The following ENTPD5 variants were observed in gnomAD, a reference collection of about 807,000 sequenced individuals.
The protein encoded by ENTPD5 is ectonucleoside triphosphate diphosphohydrolase 5 (inactive).
A neutral mutation model predicts 60.2 loss-of-function variants in ENTPD5; 49 were observed. That is an observed-to-expected ratio of 0.81 (90% CI 0.65 to 1.03). The LOEUF is 1.03. Among genes scored for constraint, ENTPD5 ranks in the 50% least tolerant of loss-of-function variants. The pLI is 0.00. For missense variants in ENTPD5, 480 were observed against 507.6 expected (o/e 0.95, Z 0.52); for synonymous variants, 187 against 185.4 (o/e 1.01, Z -0.07).
downstream of ENTPD5, chr14:73,959,003 G>A (rs2056576340): frequency 6.2e-7 from 1 of 1,614,124 alleles, no homozygotes; most frequent in South Asian, 1.1e-5. Context: ...CCGGAGTACG[G>A]CAGGCTGTTG....
intron 3 of ENTPD5, among the ~76,000 whole-genome samples, chr14:73,998,490 T>C (rs1186646241): frequency 6.6e-6 from 1 of 152,054 alleles, no homozygotes; most frequent in Admixed American, 6.6e-5. Flanking sequence ...ATTCCAGAAA[T>C]TAGCAATTTC....
chr14:73,972,745 T>C (rs994279692), intron 13 of ENTPD5, 139 bp downstream of exon 13: 2 of 993,824 alleles, frequency 2.0e-6, no homozygotes, highest in African/African-American at 3.3e-5. Flanking sequence ...CTAAGTCATT[T>C]CCACCCTTTT....
downstream of ENTPD5, chr14:73,962,831 A>G (rs561979144): frequency 5.7e-6 from 4 of 706,848 alleles, no homozygotes; most frequent in Admixed American, 4.6e-5. Context: ...ACGTGTGTAT[A>G]TGTATGTATA....
At chr14:73,995,585 AAATAATAATAAT>A (rs34846091) in intron 3 of ENTPD5, among the ~76,000 whole-genome samples, 10 of 144,212 alleles carry the variant, frequency 6.9e-5, no homozygotes, top group Admixed American at 2.8e-4. Flanking sequence ...ACTCTATCTC[AAATAATAATAAT>A]AATAATAATA....
At chr14:74,018,989 G>C (rs971737008) in intron 1 of ENTPD5, 1 of 154,006 alleles carries the variant, frequency 6.5e-6, no homozygotes, top group Non-Finnish European at 1.4e-5. Context: ...CGGCCACGCT[G>C]GCTGCGGCAT....
intron 3 of ENTPD5, among the ~76,000 whole-genome samples, chr14:73,992,405 C>T (rs2058169867): frequency 6.6e-6 from 1 of 152,186 alleles, no homozygotes. Context: ...GCAAATTAGG[C>T]CAGGCGTGGT....
intron 2 of ENTPD5, among the ~76,000 whole-genome samples, chr14:74,015,606 G>A (rs1235222897): frequency 6.6e-6 from 1 of 151,786 alleles, no homozygotes; most frequent in African/African-American, 2.4e-5. Flanking sequence ...GTCTGCCTTG[G>A]CCTCCCAAAG....
At chr14:73,975,811 G>T in intron 10 of ENTPD5, 125 bp downstream of exon 10, 1 of 753,420 alleles carries the variant, frequency 1.3e-6, no homozygotes, top group Non-Finnish European at 2.1e-6. Context: ...CAGTTGATAG[G>T]CCTTAGGGAA....
chr14:73,982,683 G>C (rs2057741479), intron 6 of ENTPD5, among the ~76,000 whole-genome samples: 1 of 152,120 alleles, frequency 6.6e-6, no homozygotes, highest in African/African-American at 2.4e-5. Context: ...ATTAACCTGG[G>C]AGGTGGAGCT....
chr14:74,017,186 C>CG (rs1566777686), intron 1 of ENTPD5, among the ~76,000 whole-genome samples: 1 of 152,070 alleles, frequency 6.6e-6, no homozygotes, highest in African/African-American at 2.4e-5. Flanking sequence ...GGCATGGTGG[C>CG]GCATGCCTGG....
intron 2 of ENTPD5, among the ~76,000 whole-genome samples, chr14:74,014,263 A>G (rs2058940075): frequency 6.6e-6 from 1 of 152,102 alleles, no homozygotes; most frequent in Non-Finnish European, 1.5e-5. Flanking sequence ...ACAAAACCCC[A>G]TTTCAAAAAT....
rs1054284497 is a variant in ENTPD5, at chr14:73,974,986, C to T, written c.723-1G>A. ...AGCTTTCAATCCAAATCCCAGGTAA[C>T]TGTAAAATACAGGATTGACTAATTT... is the stretch of plus-strand genomic sequence containing the variant. On this transcript the variant is annotated splice_acceptor_variant, in intron 10 of 15. Coordinates refer to ENST00000334696, the MANE Select transcript of ENTPD5 (RefSeq NM_001249.5). LOFTEE classifies it high-confidence loss of function. 11 of 1,610,402 alleles carry T rather than the reference C, an allele frequency of 6.8e-6. No homozygotes were observed. The African/African-American group carries it at 1.1e-4, about 16-fold the overall frequency.
chr14:73,961,416 G>A (rs758524718), downstream of ENTPD5: 1 of 1,614,008 alleles, frequency 6.2e-7, no homozygotes, highest in East Asian at 2.2e-5. Flanking sequence ...TTCTCACTTT[G>A]CTGCCAGAGG....
At position 73,963,273 on chromosome 14, in the gene ENTPD5, GCTGTCT is replaced by G; in HGVS notation, c.*3649_*3654del. The G allele has an allele frequency of 1.8e-6, 1 of 541,024 alleles. No individual in the cohort carries two copies. Among genetic ancestry groups the G allele is most frequent in the Non-Finnish European group, 3.2e-6 (1 of 308,160 alleles). 33.5% of individuals were successfully genotyped at this position (541,024 alleles called of 1,614,324 possible). On this transcript the variant is annotated 3_prime_UTR_variant, in exon 16 of 16. Coordinates refer to ENST00000334696, the MANE Select transcript of ENTPD5 (RefSeq NM_001249.5). ...TTTATTACTAAAAAACCCACAAGGT[GCTGTCT>G]CACTCATTTCCAGTTAATCATTTCT...
downstream of ENTPD5, chr14:73,955,463 G>A: frequency 6.2e-7 from 1 of 1,614,088 alleles, no homozygotes; most frequent in East Asian, 2.2e-5. Context: ...TTTGGTGCCT[G>A]GGACCATATC....
Position 74,010,979 on chromosome 14 carries a change from C to A in ENTPD5, c.-71+112G>T, listed in dbSNP as rs76763408. On this transcript the variant is annotated intron_variant, in intron 3 of 15. Coordinates refer to ENST00000334696, the MANE Select transcript of ENTPD5 (RefSeq NM_001249.5). ...GCACTTTGTGACAGCTCTTTCAGTG[C>A]CTTATGGACCCTTTTCCATCTACTG... 8.0e-3 allele frequency: 1,267 copies of A among 158,562 alleles called. 25 individuals are homozygous for A. Among genetic ancestry groups the A allele is most frequent in the African/African-American group, 0.03 (1,230 of 41,666 alleles). The allele number at this position is 158,562 out of a possible 1,614,324, so 9.8% of individuals were successfully genotyped here.
intron 3 of ENTPD5, among the ~76,000 whole-genome samples, chr14:73,997,251 G>A (rs1436716704): frequency 6.6e-6 from 1 of 152,158 alleles, no homozygotes; most frequent in African/African-American, 2.4e-5. Context: ...GGCTCTGGAA[G>A]CAGAGAATCA....
intron 6 of ENTPD5, among the ~76,000 whole-genome samples, chr14:73,982,017 A>T (rs543273101): frequency 6.6e-6 from 1 of 152,312 alleles, no homozygotes; most frequent in East Asian, 1.9e-4. Context: ...AAAGAGCATG[A>T]GGAAATTTCT....
chr14:73,984,315 G>A (rs1394203074), intron 5 of ENTPD5, among the ~76,000 whole-genome samples: 1 of 152,176 alleles, frequency 6.6e-6, no homozygotes, highest in Admixed American at 6.5e-5. Flanking sequence ...TGGCCTTGTT[G>A]GGACTTGGTT....
Sources: gnomAD v4.1 joint callset for allele counts (sites outside exome capture counted in the v4.1 genomes callset) on GRCh38, gnomAD v4.1.1 for gene constraint, MANE v1.5 for transcripts, NCBI Gene and HGNC (gene_info 2026-07-23, HGNC 2026-07-21) for gene names.